GLTP: variants seen among roughly 807,000 people sequenced by gnomAD.
GLTP encodes the protein glycolipid transfer protein.
Under a neutral mutation model 24.0 loss-of-function variants are expected in GLTP, and 22 were observed. The observed-to-expected ratio is 0.92, with a 90% CI of 0.65 to 1.31. GLTP has a LOEUF of 1.31. Among genes scored for constraint, GLTP ranks in the 50% most tolerant of loss-of-function variants. The probability of loss-of-function intolerance (pLI) is 0.00; values close to 1 mark genes in which losing one functional copy is unlikely to be tolerated. For missense variants in GLTP, 224 were observed against 276.6 expected (o/e 0.81, Z 1.35); for synonymous variants, 92 against 115.9 (o/e 0.79, Z 1.33).
At chr12:109,863,512 T>C (rs566351448) in intron 1 of GLTP, among the ~76,000 whole-genome samples, 31 of 152,282 alleles carry the variant, frequency 2.0e-4, no homozygotes, top group Non-Finnish European at 3.7e-4. Flanking sequence ...AGTGAATGAA[T>C]GGACTGTGGG....
At position 109,856,986 on chromosome 12, in the gene GLTP, A is replaced by G. The variant is rs1470705911; in HGVS notation, c.296+540T>C. 2.0e-5 allele frequency among the ~76,000 whole-genome samples: 3 copies of G among 152,146 alleles called. No individual in the cohort carries two copies. The South Asian group carries it at 6.2e-4, about 32-fold the overall frequency. On this transcript the variant is annotated intron_variant, in intron 3 of 4. Transcript: ENST00000318348. ...GAGGGGGAGGCTGCAGTGAGCCGAG[A>G]TTGTGCCACTGCACTCCAGCCTGGG...
chr12:109,874,229 CACTG>C (rs1273410140), intron 1 of GLTP, among the ~76,000 whole-genome samples: 1 of 152,194 alleles, frequency 6.6e-6, no homozygotes, highest in Non-Finnish European at 1.5e-5. Flanking sequence ...ACTGGTCACT[CACTG>C]GCTGTGTGAC....
In GLTP at chr12:109,855,607, G is replaced by A. The variant is rs1248857347; in HGVS notation, c.447+12C>T. 6 of 1,541,642 alleles carry A rather than the reference G, an allele frequency of 3.9e-6. No individual in the cohort carries two copies. In the South Asian group the frequency reaches 4.9e-5, roughly 13 times the overall value. ...AGCTGGTGGTCCTTTGGGGCTCATG[G>A]GGGTGGCTCACCTGGAAGATCTTCT... On this transcript the variant is annotated intron_variant, in intron 4 of 4. Transcript: ENST00000318348. This position sits in a 1 kb window ranked among gnomAD's most constrained non-coding sequence, Gnocchi z 4.1.
intron 1 of GLTP, among the ~76,000 whole-genome samples, chr12:109,869,621 A>G (rs763463017): frequency 1.4e-5 from 2 of 147,342 alleles, no homozygotes; most frequent in South Asian, 2.2e-4. Context: ...ACACCCAGCT[A>G]ATTTTTTTTT....
intron 1 of GLTP, among the ~76,000 whole-genome samples, chr12:109,871,080 TC>T (rs146896400): frequency 1.3e-4 from 19 of 146,614 alleles, no homozygotes; most frequent in African/African-American, 4.9e-4. Context: ...ACATTTCCAT[TC>T]TTTTTTTTTT....
intron 2 of GLTP, 84 bp downstream of exon 2, chr12:109,858,599 G>A: frequency 1.0e-6 from 1 of 980,146 alleles, no homozygotes; most frequent in Non-Finnish European, 1.7e-6. Flanking sequence ...GAAGCTTGCA[G>A]CTGGGACCAT....
rs1053313532 is a variant in GLTP at position 109,865,171 on chromosome 12, A to G, written c.104-6430T>C. 2.0e-5 allele frequency among the ~76,000 whole-genome samples: 3 copies of G among 152,050 alleles called. No individual in the cohort carries two copies. The East Asian group carries it at 5.8e-4, about 29-fold the overall frequency. On this transcript the variant is annotated intron_variant, in intron 1 of 4. Transcript: ENST00000318348. ...CAGTTACTCCAAACTTGTTTTTTTC[A>G]ATTGTTGTCAGCAAACAGCCTCTTT...
At chr12:109,862,841 C>G (rs902361658) in intron 1 of GLTP, among the ~76,000 whole-genome samples, 2 of 152,114 alleles carry the variant, frequency 1.3e-5, no homozygotes, top group African/African-American at 4.8e-5. Context: ...CACCTGAGGT[C>G]AGGAGTTCAA....
At chr12:109,858,008 C>G in intron 2 of GLTP, 1 of 433,800 alleles carries the variant, frequency 2.3e-6, no homozygotes, top group Non-Finnish European at 4.5e-6. Flanking sequence ...CTGCCTCAGA[C>G]ACCAAGTATC....
At chr12:109,872,939 CT>C (rs1472577028) in intron 1 of GLTP, among the ~76,000 whole-genome samples, 1 of 152,216 alleles carries the variant, frequency 6.6e-6, no homozygotes, top group African/African-American at 2.4e-5. Flanking sequence ...AGACCGCAGG[CT>C]GCATGTGGCC....
intron 1 of GLTP, among the ~76,000 whole-genome samples, chr12:109,871,470 A>G (rs921875286): frequency 5.9e-5 from 9 of 152,040 alleles, no homozygotes; most frequent in African/African-American, 2.2e-4. Context: ...CTCCTCCCCT[A>G]CAAGGGACAT....
chr12:109,855,819 G>T lies in GLTP; in HGVS notation c.297-50C>A. The T allele has an allele frequency of 1.4e-6, 2 of 1,453,142 alleles. No homozygotes were observed. Among genetic ancestry groups the T allele is most frequent in the South Asian group, 1.5e-5 (1 of 68,944 alleles). The allele number at this position is 1,453,142 out of a possible 1,614,324, so 90.0% of individuals were successfully genotyped here. On this transcript the variant is annotated intron_variant, in intron 3 of 4. Coordinates refer to ENST00000318348, the MANE Select transcript of GLTP (RefSeq NM_016433.4). This position sits in a 1 kb window ranked among gnomAD's most constrained non-coding sequence, Gnocchi z 4.1. ...CGTTAGGACCCTGCACAGCCCTGTCGTGAAAGACCCTGATGGACTCTGAAT... is the reference window on the plus strand; with the variant it reads ...CGTTAGGACCCTGCACAGCCCTGTCTTGAAAGACCCTGATGGACTCTGAAT...
chr12:109,857,060 C>G lies in GLTP; in HGVS notation c.296+466G>C, dbSNP rs1892806726. On this transcript the variant is annotated intron_variant, in intron 3 of 4. Transcript: ENST00000318348. The surrounding 1 kb of genome is among the most constrained non-coding windows in gnomAD (Gnocchi z 4.3). ...AAAAAATAGAAGAATTCCTTCTCCT[C>G]AAGATGGTGTACTTCTACCAAGAAA... Among the ~76,000 whole-genome samples, 1 of 152,160 alleles carries G rather than the reference C, an allele frequency of 6.6e-6. No homozygotes were observed. The highest frequency in any genetic ancestry group is 1.5e-5 in the Non-Finnish European group (1 of 68,030).
intron 1 of GLTP, among the ~76,000 whole-genome samples, chr12:109,870,192 A>G (rs1187192522): frequency 6.6e-6 from 1 of 152,092 alleles, no homozygotes. Flanking sequence ...TAGGCTGGGC[A>G]CCATGGCTCA....
rs1042536922 is a variant in GLTP, at chr12:109,857,207, C to T, written c.296+319G>A. On this transcript the variant is annotated intron_variant, in intron 3 of 4. Coordinates refer to ENST00000318348, the MANE Select transcript of GLTP (RefSeq NM_016433.4). The surrounding 1 kb of genome is among the most constrained non-coding windows in gnomAD (Gnocchi z 4.3). The stretch of plus-strand genomic sequence containing the variant: ...GGGCACGTGATTTGGCCTCCAGAAG[C>T]GCCAGCTGCCTCCTCTGTGAGATGC... Among the ~76,000 whole-genome samples, 11 of 152,292 alleles carry T rather than the reference C, an allele frequency of 7.2e-5. No homozygotes were observed. Among genetic ancestry groups the T allele is most frequent in the African/African-American group, 1.2e-4 (5 of 41,568 alleles).
rs1305308085 is a variant in GLTP, at chr12:109,852,623, T to C, written c.562A>G (p.Thr188Ala). ...TCGTAGATGACATCGATGGTCGCCGTGTAGTTGACTAGGAAGAGGCGGATC... is the reference window on the plus strand; with the variant it reads ...TCGTAGATGACATCGATGGTCGCCGCGTAGTTGACTAGGAAGAGGCGGATC... Reference protein sequence around the residue: ...EKIRLFLVNYTATIDVIYEMY... With the variant: ...EKIRLFLVNYAATIDVIYEMY... The change falls in exon 5 of 5, where the codon ACG becomes GCG. Residue 188 changes from threonine to alanine, a missense_variant. Coordinates refer to ENST00000318348, the MANE Select transcript of GLTP (RefSeq NM_016433.4). The C allele has an allele frequency of 2.5e-6, 4 of 1,605,534 alleles. No individual in the cohort carries two copies. The highest frequency in any genetic ancestry group is 3.4e-6 in the Non-Finnish European group (4 of 1,172,328).
chr12:109,862,409 G>GC (rs1306606112), intron 1 of GLTP, among the ~76,000 whole-genome samples: 1 of 152,112 alleles, frequency 6.6e-6, no homozygotes, highest in Non-Finnish European at 1.5e-5. Flanking sequence ...ACATAATAAC[G>GC]CCGGAGCCAA....
intron 1 of GLTP, among the ~76,000 whole-genome samples, chr12:109,861,716 C>T (rs1868374789): frequency 6.6e-6 from 1 of 150,888 alleles, no homozygotes; most frequent in South Asian, 2.1e-4. Context: ...CCACTGCACT[C>T]CAGCCTGGCG....
At chr12:109,859,918 T>C (rs1892850228) in intron 1 of GLTP, 1 of 152,274 alleles carries the variant, frequency 6.6e-6, no homozygotes, top group African/African-American at 2.4e-5. Context: ...GGTGCAAAAG[T>C]AATTGCAGTT....
Sources: gnomAD v4.1 joint callset for allele counts (sites outside exome capture counted in the v4.1 genomes callset) on GRCh38, gnomAD v4.1.1 for gene constraint, Gnocchi (gnomAD v3.1) non-coding constraint, MANE v1.5 for transcripts, NCBI Gene and HGNC (gene_info 2026-07-23, HGNC 2026-07-21) for gene names.